KIAA0040: variants seen among roughly 807,000 people sequenced by gnomAD.
The protein encoded by KIAA0040 is uncharacterized protein KIAA0040.
KIAA0040 carries 10 observed loss-of-function variants against 7.2 expected under a neutral mutation model. The observed-to-expected ratio is 1.38, with a 90% CI of 0.85 to 2.34. KIAA0040 has a LOEUF of 2.34. Among genes scored for constraint, KIAA0040 ranks in the 30% most tolerant of loss-of-function variants. The pLI is 0.00. For missense variants in KIAA0040, 89 were observed against 108.2 expected, an observed-to-expected ratio of 0.82 and a Z score of 0.79; for synonymous variants, 49 against 40.1, an observed-to-expected ratio of 1.22 and a Z score of -0.84.
At chr1:175,174,058 C>T (rs925554258) in intron 2 of KIAA0040, among the ~76,000 whole-genome samples, 1 of 152,074 alleles carries the variant, frequency 6.6e-6, no homozygotes, top group African/African-American at 2.4e-5. Flanking sequence ...ATCCTGCCTG[C>T]TTCACCCAGT....
At chr1:175,183,115 C>T (rs12143530) in intron 1 of KIAA0040, among the ~76,000 whole-genome samples, 73,050 of 151,998 alleles carry the variant, frequency 0.48, 18,250 homozygotes, top group Non-Finnish European at 0.56. Flanking sequence ...TCATCTGTAG[C>T]GCGGAGATAT....
chr1:175,168,015 C>T, intron 2 of KIAA0040, among the ~76,000 whole-genome samples: 1 of 152,138 alleles, frequency 6.6e-6, no homozygotes, highest in East Asian at 1.9e-4. Flanking sequence ...CCAAACCTTG[C>T]CCCAGCTCTC....
chr1:175,175,287 A>T (rs1213259733), intron 2 of KIAA0040, among the ~76,000 whole-genome samples: 3 of 152,042 alleles, frequency 2.0e-5, no homozygotes, highest in Non-Finnish European at 4.4e-5. Flanking sequence ...GCTCATCATC[A>T]CTGGCCATCA....
chr1:175,163,304 A>G (rs1558388948), intron 3 of KIAA0040, among the ~76,000 whole-genome samples: 4 of 152,246 alleles, frequency 2.6e-5, no homozygotes, highest in African/African-American at 9.6e-5. Context: ...TCATTGTTAG[A>G]TCCTTCCCAA....
chr1:175,180,615 A>G (rs1677401244), intron 1 of KIAA0040, among the ~76,000 whole-genome samples: 1 of 150,774 alleles, frequency 6.6e-6, no homozygotes, highest in Non-Finnish European at 1.5e-5. Flanking sequence ...GGTGCTCCTG[A>G]GTAGATCTCT....
At chr1:175,187,259 C>T (rs1677696676) in intron 1 of KIAA0040, among the ~76,000 whole-genome samples, 1 of 152,186 alleles carries the variant, frequency 6.6e-6, no homozygotes, top group African/African-American at 2.4e-5. Flanking sequence ...GCCTAGCATG[C>T]ACACTGAAAA....
At chr1:175,161,822 AGG>A (rs1676555623) in intron 3 of KIAA0040, among the ~76,000 whole-genome samples, 1 of 152,166 alleles carries the variant, frequency 6.6e-6, no homozygotes. Context: ...TGAGAGAACC[AGG>A]GGTGACCATT....
intron 1 of KIAA0040, among the ~76,000 whole-genome samples, chr1:175,185,268 G>T (rs939766204): frequency 9.9e-5 from 15 of 152,166 alleles, no homozygotes; most frequent in Non-Finnish European, 4.4e-5. Context: ...ACCTGTAGTA[G>T]TACCTATTTT....
At chr1:175,176,968 C>G (rs1012566040) in intron 2 of KIAA0040, among the ~76,000 whole-genome samples, 4 of 152,106 alleles carry the variant, frequency 2.6e-5, no homozygotes, top group Non-Finnish European at 4.4e-5. Flanking sequence ...ATATTCACCC[C>G]CCTCGACACA....
At chr1:175,188,644 A>G (rs1677754428) in intron 1 of KIAA0040, among the ~76,000 whole-genome samples, 1 of 152,206 alleles carries the variant, frequency 6.6e-6, no homozygotes, top group African/African-American at 2.4e-5. Flanking sequence ...AAACACTAAA[A>G]GGATTTTAGT....
chr1:175,178,562 A>C (rs1677300103), intron 1 of KIAA0040, among the ~76,000 whole-genome samples: 3 of 152,244 alleles, frequency 2.0e-5, no homozygotes, highest in Admixed American at 2.0e-4. Context: ...GCATTAGTTA[A>C]GTATTTACTA....
At position 175,160,436 on chromosome 1, in the gene KIAA0040, A is replaced by C. The variant is rs1676482730; in HGVS notation, c.*278T>G. On this transcript the variant is annotated 3_prime_UTR_variant, in exon 4 of 4. Coordinates refer to ENST00000423313, the MANE Select transcript of KIAA0040 (RefSeq NM_014656.3). ...TGGATAAATGTTCTTTGTGCTTTGC[A>C]TGTGGGGTATGCCAGAGACAGGTGG... 3 of 423,112 alleles carry C rather than the reference A, an allele frequency of 7.1e-6. No individual in the cohort carries two copies. Among genetic ancestry groups the C allele is most frequent in the Non-Finnish European group, 1.3e-5 (3 of 234,812 alleles). 26.2% of individuals were successfully genotyped at this position (423,112 alleles called of 1,614,324 possible).
At chr1:175,178,755 A>C (rs1015282174) in intron 1 of KIAA0040, among the ~76,000 whole-genome samples, 1 of 152,238 alleles carries the variant, frequency 6.6e-6, no homozygotes, top group African/African-American at 2.4e-5. Context: ...AATGATGATA[A>C]CATCAACTGC....
At chr1:175,183,533 C>T (rs942925996) in intron 1 of KIAA0040, among the ~76,000 whole-genome samples, 2 of 152,176 alleles carry the variant, frequency 1.3e-5, no homozygotes, top group African/African-American at 4.8e-5. Flanking sequence ...GGGACCAGGA[C>T]CCGGGCCTGG....
intron 3 of KIAA0040, among the ~76,000 whole-genome samples, 184 bp downstream of exon 3, chr1:175,166,378 C>T (rs536397346): frequency 3.3e-5 from 5 of 152,120 alleles, no homozygotes; most frequent in Admixed American, 6.5e-5. Context: ...CTGATTCAGT[C>T]GGGTCTAGGA....
chr1:175,169,575 G>A (rs1407603786), intron 2 of KIAA0040, among the ~76,000 whole-genome samples: 1 of 152,154 alleles, frequency 6.6e-6, no homozygotes. Flanking sequence ...TGATGGTTTT[G>A]TTTGTCTTTT....
chr1:175,189,062 G>T (rs1250883256), intron 1 of KIAA0040, among the ~76,000 whole-genome samples: 1 of 152,192 alleles, frequency 6.6e-6, no homozygotes, highest in Non-Finnish European at 1.5e-5. Context: ...CATCTGTGAA[G>T]TGAAGGGGTG....
intron 1 of KIAA0040, among the ~76,000 whole-genome samples, chr1:175,187,309 C>A (rs1490178987): frequency 1.3e-5 from 2 of 152,190 alleles, no homozygotes; most frequent in Non-Finnish European, 2.9e-5. Flanking sequence ...CGTTTGTTTA[C>A]TGTGGGTTCC....
In KIAA0040 at chr1:175,191,645, G is replaced by A. The variant is rs74477023; in HGVS notation, c.-384+995C>T. On this transcript the variant is annotated intron_variant, in intron 1 of 3. Transcript: ENST00000423313. ...AGGGTTAGGAACAGGTTGCATCAAT[G>A]CTATGTTTAAGTCCTGCTCTTTGTA... is the stretch of plus-strand genomic sequence containing the variant. Among the ~76,000 whole-genome samples the A allele has an allele frequency of 4.2e-3, 636 of 152,344 alleles. 4 individuals carry two copies. The highest frequency in any genetic ancestry group is 0.015 in the African/African-American group (611 of 41,574).
Sources: allele counts gnomAD v4.1 joint callset (sites outside exome capture counted in the v4.1 genomes callset), GRCh38; gene constraint gnomAD v4.1.1; transcripts MANE v1.5; gene names NCBI Gene and HGNC (gene_info 2026-07-23, HGNC 2026-07-21).